Variants in SIPA1L3 observed in about 807,000 individuals in gnomAD.
SIPA1L3 encodes the protein signal-induced proliferation-associated 1-like protein 3.
SIPA1L3 carries 59 observed loss-of-function variants against 150.1 expected under a neutral mutation model. The observed-to-expected ratio is 0.39, with a 90% CI of 0.32 to 0.49. The LOEUF (loss-of-function observed/expected upper bound fraction) is 0.49, where lower values mean the gene tolerates loss of function less well. SIPA1L3 is among the 20% of genes least tolerant of loss of function. The pLI is 0.86. For missense variants in SIPA1L3, 2,211 were observed against 2,489.5 expected (o/e 0.89, Z 2.38); for synonymous variants, 1,070 against 1,077.6 (o/e 0.99, Z 0.14).
intron 4 of SIPA1L3, among the ~76,000 whole-genome samples, chr19:38,096,053 A>ATTTG (rs1275577420): frequency 5.3e-5 from 8 of 151,892 alleles, no homozygotes; most frequent in African/African-American, 1.9e-4. Context: ...GATAAGAGAG[A>ATTTG]TTTGTTTGTT....
chr19:38,131,381 C>T (rs552219865), intron 10 of SIPA1L3, among the ~76,000 whole-genome samples: 4 of 152,126 alleles, frequency 2.6e-5, no homozygotes, highest in Non-Finnish European at 4.4e-5. Flanking sequence ...TTCTGGCCAG[C>T]GGGCTCCAGA....
chr19:37,967,550 C>T lies in SIPA1L3; in HGVS notation c.-379+60192C>T, dbSNP rs368537259. On this transcript the variant is annotated intron_variant, in intron 1 of 21. Transcript: ENST00000222345. ...TACAGGCGTGAGCCACCGCACCCGG[C>T]TGGAAATTTCCCCTTCTTATAAGGA... Among the ~76,000 whole-genome samples the T allele has an allele frequency of 2.8e-4, 42 of 152,246 alleles. No homozygotes were observed. In the South Asian group the frequency reaches 7.9e-3, roughly 29 times the overall value.
chr19:38,149,833 A>G (rs1409304870), intron 12 of SIPA1L3, among the ~76,000 whole-genome samples: 2 of 152,200 alleles, frequency 1.3e-5, no homozygotes, highest in Non-Finnish European at 2.9e-5. Flanking sequence ...CCCCAGATAC[A>G]GTTGGGATTC....
chr19:38,162,846 A>G (rs1039643624), intron 14 of SIPA1L3, among the ~76,000 whole-genome samples: 1 of 152,094 alleles, frequency 6.6e-6, no homozygotes, highest in Non-Finnish European at 1.5e-5. Flanking sequence ...GGTGAGTGGG[A>G]GAAAAGATCA....
At position 38,081,722 on chromosome 19, in the gene SIPA1L3, A is replaced by G; in HGVS notation, c.157A>G (p.Ser53Gly). ...CAGCATGTCCCAGCCTCTTGGCGAGAGCCCGGCCACCGCCACCGCCACCGC... is the reference window on the plus strand; with the variant it reads ...CAGCATGTCCCAGCCTCTTGGCGAGGGCCCGGCCACCGCCACCGCCACCGC... ...NGSMSQPLGE[S>G]PATATATATA... The change falls in exon 3 of 22, where the codon AGC (serine) becomes GGC (glycine). Residue 53 changes from serine to glycine, a missense_variant. Transcript: ENST00000222345. The G allele has an allele frequency of 1.9e-6, 3 of 1,605,218 alleles. No homozygotes were observed. In the South Asian group the frequency reaches 3.3e-5, roughly 18 times the overall value.
At chr19:37,972,622 T>C (rs1643462) in intron 1 of SIPA1L3, among the ~76,000 whole-genome samples, 43,383 of 151,948 alleles carry the variant, frequency 0.29, 7,576 homozygotes, top group East Asian at 0.62. Flanking sequence ...GAGGATCCCT[T>C]GAGCCCAGGA....
At chr19:38,183,622 T>C (rs1374884122) in intron 16 of SIPA1L3, among the ~76,000 whole-genome samples, 1 of 152,038 alleles carries the variant, frequency 6.6e-6, no homozygotes, top group African/African-American at 2.4e-5. Context: ...GAGTAAGGAA[T>C]CCCGAATTCA....
At chr19:37,949,717 C>G (rs964284456) in intron 1 of SIPA1L3, among the ~76,000 whole-genome samples, 2 of 151,894 alleles carry the variant, frequency 1.3e-5, no homozygotes, top group African/African-American at 4.8e-5. Context: ...GACCCACTCC[C>G]CTGCTGTCCT....
intron 1 of SIPA1L3, among the ~76,000 whole-genome samples, chr19:37,915,626 A>C (rs1384586308): frequency 4.0e-5 from 6 of 151,870 alleles, no homozygotes; most frequent in Admixed American, 2.6e-4. Context: ...AAGTGATCCG[A>C]CGGCCTCAGC....
At chr19:37,951,766 G>A (rs374676546) in intron 1 of SIPA1L3, among the ~76,000 whole-genome samples, 10 of 151,784 alleles carry the variant, frequency 6.6e-5, no homozygotes, top group South Asian at 4.2e-4. Flanking sequence ...GCATGGTGGC[G>A]GGCGCCTGTA....
Position 38,110,255 on chromosome 19 carries a change from A to G in SIPA1L3, c.2162A>G (p.Asp721Gly). Residue 721 changes from aspartate (D) to glycine (G), a missense_variant, in exon 8 of 22, where the codon GAC becomes GGC. Physicochemically the swap from Asp to Gly is moderately conservative, Grantham distance 94. Around this residue, in one of 5 missense-constraint regions of SIPA1L3, gnomAD observed 625 missense variants for 804.2 expected, o/e 0.78. Transcript: ENST00000222345. ...QLLRKRHIGNDIVTIIFQEPG... is the reference protein window; with the variant it reads ...QLLRKRHIGNGIVTIIFQEPG... Reference sequence around the variant, plus strand: ...CTACGGAAGAGGCACATAGGAAATGACATCGTGACGATCATCTTCCAGGAG... The same window carrying G: ...CTACGGAAGAGGCACATAGGAAATGGCATCGTGACGATCATCTTCCAGGAG... The G allele has an allele frequency of 6.2e-7, 1 of 1,614,138 alleles. No individual in the cohort carries two copies. The highest frequency in any genetic ancestry group is 8.5e-7 in the Non-Finnish European group (1 of 1,179,998).
chr19:38,106,255 C>T (rs1323220465), intron 6 of SIPA1L3: 4 of 333,866 alleles, frequency 1.2e-5, no homozygotes, highest in Admixed American at 4.6e-5. Context: ...TACAGGCACC[C>T]GCCACCAGGC....
intron 16 of SIPA1L3, chr19:38,184,749 T>C (rs1972640110): frequency 6.6e-6 from 1 of 152,216 alleles, no homozygotes; most frequent in African/African-American, 2.4e-5. Context: ...GCAAGTGTGC[T>C]GAGCTCACAC....
intron 1 of SIPA1L3, among the ~76,000 whole-genome samples, chr19:37,912,199 T>G (rs541499065): frequency 2.2e-4 from 33 of 151,762 alleles, no homozygotes; most frequent in Non-Finnish European, 3.5e-4. Flanking sequence ...ATTGTACCAC[T>G]GCACTCTAGC....
chr19:37,929,045 G>C (rs1433711940), intron 1 of SIPA1L3, among the ~76,000 whole-genome samples: 1 of 152,218 alleles, frequency 6.6e-6, no homozygotes, highest in Non-Finnish European at 1.5e-5. Context: ...CTCACTTGCT[G>C]TGTATCTCTT....
intron 17 of SIPA1L3, among the ~76,000 whole-genome samples, chr19:38,193,149 C>T (rs1405942148): frequency 6.6e-6 from 1 of 151,784 alleles, no homozygotes; most frequent in Non-Finnish European, 1.5e-5. Context: ...CAAGACCATC[C>T]TGGGCAATGT....
intron 16 of SIPA1L3, among the ~76,000 whole-genome samples, chr19:38,188,746 C>T (rs1428042005): frequency 7.9e-6 from 1 of 127,022 alleles, no homozygotes; most frequent in East Asian, 2.0e-4. Flanking sequence ...CATGGTGAAA[C>T]CCCGTCTCTA....
intron 16 of SIPA1L3, among the ~76,000 whole-genome samples, chr19:38,188,132 C>G (rs1972728369): frequency 6.6e-6 from 1 of 151,714 alleles, no homozygotes; most frequent in Non-Finnish European, 1.5e-5. Context: ...ACTTTTGAGT[C>G]ACTTCACTTC....
At chr19:38,140,302 G>A (rs748392480) in intron 10 of SIPA1L3, among the ~76,000 whole-genome samples, 13 of 152,030 alleles carry the variant, frequency 8.6e-5, no homozygotes, top group South Asian at 2.1e-4. Context: ...GGATCTCCCC[G>A]CCTCAAGCCA....
Sources: allele counts gnomAD v4.1 joint callset (sites outside exome capture counted in the v4.1 genomes callset), GRCh38; gene constraint gnomAD v4.1.1; regional missense constraint gnomAD v4.1.1; transcripts MANE v1.5; gene names NCBI Gene and HGNC (gene_info 2026-07-23, HGNC 2026-07-21).